MAP3K13: variants seen among roughly 807,000 people sequenced by gnomAD.
MAP3K13 encodes mitogen-activated protein kinase kinase kinase 13.
Under a neutral mutation model 104.0 loss-of-function variants are expected in MAP3K13, and 52 were observed. That is an observed-to-expected ratio of 0.50 (90% confidence interval 0.40 to 0.63). The LOEUF is 0.63. Among genes scored for constraint, MAP3K13 ranks in the 20% least tolerant of loss-of-function variants. MAP3K13 has a pLI of 0.00. For missense variants in MAP3K13, 914 were observed against 1,218.5 expected (o/e 0.75, Z 3.72); for synonymous variants, 394 against 442.2 (o/e 0.89, Z 1.37).
At chr3:185,363,557 G>T (rs1723736328) in intron 1 of MAP3K13, among the ~76,000 whole-genome samples, 189 bp downstream of exon 1, 1 of 152,136 alleles carries the variant, frequency 6.6e-6, no homozygotes, top group Non-Finnish European at 1.5e-5. Context: ...ACTGACAGCT[G>T]GTTTTCCTTT....
intron 11 of MAP3K13, among the ~76,000 whole-genome samples, chr3:185,475,072 C>A (rs561487696): frequency 7.1e-6 from 1 of 140,284 alleles, no homozygotes; most frequent in Non-Finnish European, 1.5e-5. Context: ...CCAGACTGGG[C>A]GACAGTGTGA....
intron 1 of MAP3K13, among the ~76,000 whole-genome samples, chr3:185,388,947 T>C (rs187534445): frequency 4.6e-5 from 7 of 152,350 alleles, no homozygotes; most frequent in Non-Finnish European, 8.8e-5. Flanking sequence ...GTCATATTCG[T>C]TCTTTCAGAG....
In MAP3K13 at chr3:185,423,014, G is replaced by A. The variant is rs950847408; in HGVS notation, c.-85-5483G>A. Among the ~76,000 whole-genome samples, 2 of 152,132 alleles carry A rather than the reference G, an allele frequency of 1.3e-5. No homozygotes were observed. The highest frequency in any genetic ancestry group is 4.8e-5 in the African/African-American group (2 of 41,418). ...GCATGCGAGGGATCTAGGGATCTAG[G>A]TTATGTGCCCTTTATGAGAATCTAA... is the stretch of plus-strand genomic sequence containing the variant. On this transcript the variant is annotated intron_variant, in intron 1 of 13. Coordinates refer to ENST00000265026, the MANE Select transcript of MAP3K13 (RefSeq NM_004721.5). The surrounding 1 kb of genome is among the most constrained non-coding windows in gnomAD (Gnocchi z 4.1).
At chr3:185,399,164 G>C (rs1249075585) in intron 1 of MAP3K13, among the ~76,000 whole-genome samples, 4 of 152,106 alleles carry the variant, frequency 2.6e-5, no homozygotes, top group African/African-American at 9.7e-5. Context: ...GATAGGAGGA[G>C]ATTATTCATG....
chr3:185,436,085 C>A (rs1431472054), intron 2 of MAP3K13, among the ~76,000 whole-genome samples: 1 of 152,088 alleles, frequency 6.6e-6, no homozygotes, highest in Non-Finnish European at 1.5e-5. Flanking sequence ...AAAGGAGAAG[C>A]CTCAATGGAT....
chr3:185,338,063 T>A (rs1289515434), intron 2 of MAP3K13, among the ~76,000 whole-genome samples: 2 of 152,090 alleles, frequency 1.3e-5, no homozygotes, highest in African/African-American at 2.4e-5. Context: ...TCGCAGCGGC[T>A]CACACCTGTA....
At chr3:185,371,108 T>C (rs1724137824) in intron 1 of MAP3K13, among the ~76,000 whole-genome samples, 1 of 152,168 alleles carries the variant, frequency 6.6e-6, no homozygotes, top group Non-Finnish European at 1.5e-5. Flanking sequence ...ATTTTCCCAA[T>C]AACAAGTTGG....
intron 2 of MAP3K13, among the ~76,000 whole-genome samples, chr3:185,343,478 G>A (rs1267681203): frequency 1.3e-5 from 2 of 152,100 alleles, no homozygotes; most frequent in Non-Finnish European, 2.9e-5. Context: ...ATTTGAGACG[G>A]CATCTCGCTC....
intron 11 of MAP3K13, 127 bp from the exon 12 acceptor site, chr3:185,477,199 T>C (rs1718179629): frequency 1.4e-6 from 1 of 723,864 alleles, no homozygotes; most frequent in South Asian, 1.5e-5. Flanking sequence ...AAAGATGACA[T>C]TCAGCAAGCT....
intron 1 of MAP3K13, among the ~76,000 whole-genome samples, chr3:185,404,834 G>A (rs1307074375): frequency 3.9e-5 from 6 of 152,058 alleles, no homozygotes; most frequent in Admixed American, 3.9e-4. Context: ...GCCTCGCCTC[G>A]GCCTCCCAAA....
intron 2 of MAP3K13, among the ~76,000 whole-genome samples, chr3:185,340,732 G>T (rs981492341): frequency 6.6e-6 from 1 of 152,046 alleles, no homozygotes; most frequent in Non-Finnish European, 1.5e-5. Context: ...TCTTGTGATA[G>T]TGAGTAAGTC....
rs537129944 is a variant in MAP3K13 at position 185,292,033 on chromosome 3, G to A, written c.-86+6390G>A. The A allele has an allele frequency of 2.3e-5, 23 of 989,824 alleles. No homozygotes were observed. In the South Asian group the frequency reaches 5.6e-4, roughly 24 times the overall value. 61.3% of individuals were successfully genotyped at this position (989,824 alleles called of 1,614,324 possible). ...AAAGTTGAGTTAACAGGCTGGGCAC[G>A]GTGGCTCATGCCTGTAATCCCAGCA... On this transcript the variant is annotated intron_variant, in intron 2 of 14. Transcript: ENST00000424227.
chr3:185,479,594 A>T (rs2148929676), intron 12 of MAP3K13, among the ~76,000 whole-genome samples: 1 of 152,380 alleles, frequency 6.6e-6, no homozygotes. Flanking sequence ...AGTCATAGCC[A>T]TCAGCTTGGA....
rs1723716512 is a variant in MAP3K13 at position 185,363,187 on chromosome 3, A to G, written c.-267A>G. On this transcript the variant is annotated 5_prime_UTR_variant, in exon 1 of 14. Transcript: ENST00000265026. ...GCGGAATCCTAAACCAGCCCAATTTACATCCATTCATGAATCTGTGACGTC... is the reference window on the plus strand; with the variant it reads ...GCGGAATCCTAAACCAGCCCAATTTGCATCCATTCATGAATCTGTGACGTC... 3.0e-6 allele frequency: 3 copies of G among 984,932 alleles called. No individual in the cohort carries two copies. The highest frequency in any genetic ancestry group is 3.6e-6 in the Non-Finnish European group (3 of 829,876). The allele number at this position is 984,932 out of a possible 1,614,324, so 61.0% of individuals were successfully genotyped here.
chr3:185,452,278 C>A (rs1483474048), intron 7 of MAP3K13, among the ~76,000 whole-genome samples: 1 of 152,076 alleles, frequency 6.6e-6, no homozygotes, highest in African/African-American at 2.4e-5. Context: ...GGCAGGAGTA[C>A]CGTGGTCTGA....
At chr3:185,378,231 G>A (rs903043360) in intron 1 of MAP3K13, among the ~76,000 whole-genome samples, 48 of 152,100 alleles carry the variant, frequency 3.2e-4, no homozygotes, top group African/African-American at 5.3e-4. Flanking sequence ...ATTTAATATC[G>A]GGAGCAGATT....
intron 1 of MAP3K13, among the ~76,000 whole-genome samples, chr3:185,284,799 G>T (rs184418548): frequency 5.7e-4 from 87 of 151,834 alleles, no homozygotes; most frequent in African/African-American, 2.0e-3. Context: ...TAAAAAGTGG[G>T]CAGGGACCTA....
At chr3:185,283,439 T>C (rs775782109) in intron 1 of MAP3K13, among the ~76,000 whole-genome samples, 4 of 152,152 alleles carry the variant, frequency 2.6e-5, no homozygotes, top group Non-Finnish European at 5.9e-5. Flanking sequence ...GCATAGTGCC[T>C]TGCGACAAGT....
At chr3:185,365,103 T>A (rs556014671) in intron 1 of MAP3K13, among the ~76,000 whole-genome samples, 78 of 152,294 alleles carry the variant, frequency 5.1e-4, no homozygotes, top group African/African-American at 1.8e-3. Context: ...GTGAAAGAAA[T>A]ACAGTATGTA....
Sources: gnomAD v4.1 joint callset for allele counts (sites outside exome capture counted in the v4.1 genomes callset) on GRCh38, gnomAD v4.1.1 for gene constraint, Gnocchi (gnomAD v3.1) non-coding constraint, MANE v1.5 for transcripts, NCBI Gene and HGNC (gene_info 2026-07-23, HGNC 2026-07-21) for gene names.